Variants in ZMYM2 observed in about 807,000 individuals in gnomAD.
The protein encoded by ZMYM2 is zinc finger MYM-type protein 2.
Under a neutral mutation model 162.8 loss-of-function variants are expected in ZMYM2, and 56 were observed. That is an observed-to-expected ratio of 0.34 (90% CI 0.28 to 0.43). ZMYM2 has a LOEUF of 0.43. ZMYM2 is among the 20% of genes least tolerant of loss of function. The pLI is 1.00. For synonymous variants in ZMYM2, 510 were observed against 541.6 expected (o/e 0.94, Z 0.81); for missense variants, 1,275 against 1,621.8 (o/e 0.79, Z 3.67).
chr13:19,961,376 A>G (rs549950629), intron 2 of ZMYM2, among the ~76,000 whole-genome samples: 5 of 152,192 alleles, frequency 3.3e-5, no homozygotes, highest in South Asian at 2.1e-4. Flanking sequence ...CTCTTTTTCA[A>G]TATGTCTGTA....
chr13:20,042,491 C>T (rs567675385), intron 12 of ZMYM2, among the ~76,000 whole-genome samples: 1 of 152,076 alleles, frequency 6.6e-6, no homozygotes, highest in Non-Finnish European at 1.5e-5. Context: ...TCAGTGTGCT[C>T]CTGCTTCTCA....
chr13:19,983,580 CT>C (rs1379382039), intron 2 of ZMYM2, among the ~76,000 whole-genome samples: 2 of 152,016 alleles, frequency 1.3e-5, no homozygotes, highest in Admixed American at 1.3e-4. Flanking sequence ...TTTAATAATT[CT>C]TTCTTCCTAT....
chr13:20,046,263 A>G (rs1013419810), intron 12 of ZMYM2, among the ~76,000 whole-genome samples: 1 of 151,702 alleles, frequency 6.6e-6, no homozygotes, highest in African/African-American at 2.4e-5. Context: ...AAAACAAAAA[A>G]TTACTGAGAG....
intron 2 of ZMYM2, among the ~76,000 whole-genome samples, chr13:19,972,126 A>G (rs903776183): frequency 3.3e-5 from 5 of 152,216 alleles, no homozygotes; most frequent in African/African-American, 1.2e-4. Context: ...TTATTCATGT[A>G]TTTATTAGAT....
At chr13:20,027,065 C>A in intron 8 of ZMYM2, 138 bp from the exon 9 acceptor site, 1 of 635,290 alleles carries the variant, frequency 1.6e-6, no homozygotes, top group Non-Finnish European at 2.5e-6. Flanking sequence ...TTTAAAAGTG[C>A]ACATAATCTT....
chr13:19,905,963 C>A, the ZMYM2 span, among the ~76,000 whole-genome samples: 3 of 151,784 alleles, frequency 2.0e-5, no homozygotes, highest in Non-Finnish European at 4.4e-5. Context: ...CATGGCAAGA[C>A]CCCATCTCTA....
chr13:19,995,205 A>G (rs1410187040), intron 3 of ZMYM2, among the ~76,000 whole-genome samples: 1 of 152,086 alleles, frequency 6.6e-6, no homozygotes, highest in African/African-American at 2.4e-5. Context: ...AAGAAAGCCA[A>G]ACATATCATC....
the ZMYM2 span, among the ~76,000 whole-genome samples, chr13:19,898,017 C>T: frequency 1.3e-5 from 2 of 152,290 alleles, no homozygotes; most frequent in South Asian, 2.1e-4. Flanking sequence ...TTACAGAACA[C>T]TCTGCTCAAC....
chr13:19,887,359 T>C, the ZMYM2 span, among the ~76,000 whole-genome samples: 2 of 151,612 alleles, frequency 1.3e-5, no homozygotes, highest in East Asian at 3.9e-4. Flanking sequence ...TGAAACCTCA[T>C]CTCTATTAAA....
At chr13:19,973,377 G>A (rs9579752) in intron 2 of ZMYM2, among the ~76,000 whole-genome samples, 15,630 of 151,966 alleles carry the variant, frequency 0.1, 1,318 homozygotes, top group African/African-American at 0.22. Flanking sequence ...CTATAAAACA[G>A]TACCATAGAG....
chr13:20,017,450 G>T (rs1321063211), intron 6 of ZMYM2, among the ~76,000 whole-genome samples: 1 of 152,092 alleles, frequency 6.6e-6, no homozygotes, highest in Non-Finnish European at 1.5e-5. Context: ...GTGTATCTTG[G>T]TGTTTCTTTG....
chr13:19,884,965 T>C, the ZMYM2 span, among the ~76,000 whole-genome samples: 1 of 152,114 alleles, frequency 6.6e-6, no homozygotes, highest in African/African-American at 2.4e-5. Context: ...AGAGTGCTGA[T>C]TGGTATATTT....
At chr13:20,008,483 G>C (rs1392083245) in intron 6 of ZMYM2, among the ~76,000 whole-genome samples, 1 of 152,214 alleles carries the variant, frequency 6.6e-6, no homozygotes, top group African/African-American at 2.4e-5. Flanking sequence ...TTTATCATAG[G>C]TATGTGTCTA....
the ZMYM2 span, among the ~76,000 whole-genome samples, chr13:19,889,418 A>G: frequency 6.6e-6 from 1 of 151,988 alleles, no homozygotes; most frequent in Non-Finnish European, 1.5e-5. Flanking sequence ...TCCCGGGTTC[A>G]AGCGAATTCT....
At chr13:19,889,069 C>T in the ZMYM2 span, among the ~76,000 whole-genome samples, 29 of 151,934 alleles carry the variant, frequency 1.9e-4, 1 homozygote, top group Admixed American at 1.6e-3. Flanking sequence ...TCTGTTGGCC[C>T]CTCTGTTTTA....
At chr13:20,006,020 C>G (rs1030893664) in intron 5 of ZMYM2, among the ~76,000 whole-genome samples, 7 of 152,056 alleles carry the variant, frequency 4.6e-5, no homozygotes, top group Non-Finnish European at 1.0e-4. Flanking sequence ...TCACTTGAGG[C>G]CAGGAGTTTG....
chr13:20,000,883 A>G (rs1376530471), intron 3 of ZMYM2, among the ~76,000 whole-genome samples: 4 of 152,262 alleles, frequency 2.6e-5, no homozygotes, highest in African/African-American at 9.6e-5. Context: ...GGATCTAGGC[A>G]AAGTAAATTA....
chr13:19,981,791 A>T (rs1031306025), intron 2 of ZMYM2, among the ~76,000 whole-genome samples: 4 of 151,980 alleles, frequency 2.6e-5, no homozygotes, highest in African/African-American at 9.7e-5. Context: ...ATTTGTTTTC[A>T]TCATGAAGAT....
At chr13:20,024,145 G>A (rs986690161) in intron 7 of ZMYM2, among the ~76,000 whole-genome samples, 1 of 152,100 alleles carries the variant, frequency 6.6e-6, no homozygotes, top group African/African-American at 2.4e-5. Context: ...ATGTTGGCCA[G>A]GCTGGTCTCG....
Sources: allele counts gnomAD v4.1 joint callset (sites outside exome capture counted in the v4.1 genomes callset), GRCh38; gene constraint gnomAD v4.1.1; transcripts MANE v1.5; gene names NCBI Gene and HGNC (gene_info 2026-07-23, HGNC 2026-07-21).